The following SMYD3 variants were observed in gnomAD, a reference collection of about 807,000 sequenced individuals.
SMYD3 encodes histone-lysine N-methyltransferase SMYD3.
Under a neutral mutation model 57.7 loss-of-function variants are expected in SMYD3, and 36 were observed. The observed-to-expected ratio is 0.62, with a 90% confidence interval of 0.48 to 0.82. SMYD3 has a LOEUF of 0.82. Among genes scored for constraint, SMYD3 ranks in the 40% least tolerant of loss-of-function variants. SMYD3 has a pLI of 0.00. For missense variants in SMYD3, 515 were observed against 538.8 expected (o/e 0.96, Z 0.44); for synonymous variants, 211 against 195.0 (o/e 1.08, Z -0.68).
chr1:246,004,911 C>T (rs2059142910), intron 5 of SMYD3, among the ~76,000 whole-genome samples: 1 of 152,198 alleles, frequency 6.6e-6, no homozygotes, highest in Admixed American at 6.5e-5. Flanking sequence ...GTGGTGCAAT[C>T]ATGACTCGCT....
chr1:246,164,724 C>T (rs1038794137), intron 5 of SMYD3, among the ~76,000 whole-genome samples: 3 of 152,206 alleles, frequency 2.0e-5, no homozygotes, highest in African/African-American at 4.8e-5. Context: ...AGACTGATAA[C>T]GTCTCTGCTC....
intron 5 of SMYD3, among the ~76,000 whole-genome samples, chr1:246,150,826 G>C (rs866437677): frequency 6.6e-6 from 1 of 152,148 alleles, no homozygotes; most frequent in Non-Finnish European, 1.5e-5. Flanking sequence ...CCCCTCCAGA[G>C]CCCTGCCAAA....
At chr1:246,260,182 C>A (rs1333012058) in intron 5 of SMYD3, among the ~76,000 whole-genome samples, 1 of 152,132 alleles carries the variant, frequency 6.6e-6, no homozygotes, top group Non-Finnish European at 1.5e-5. Context: ...TGCAGACCTG[C>A]CTGGGCTTAG....
At chr1:245,762,027 C>T (rs555337129) in intron 11 of SMYD3, among the ~76,000 whole-genome samples, 1 of 152,222 alleles carries the variant, frequency 6.6e-6, no homozygotes, top group Admixed American at 6.5e-5. Flanking sequence ...TCAGGTGATC[C>T]TCCTGCCTCA....
At chr1:246,194,998 G>A (rs562843852) in intron 5 of SMYD3, among the ~76,000 whole-genome samples, 66 of 152,240 alleles carry the variant, frequency 4.3e-4, no homozygotes, top group Middle Eastern at 3.4e-3. Context: ...CAGTTTCTAC[G>A]CTATACTTGG....
At chr1:245,923,147 G>C (rs150058068) in intron 7 of SMYD3, among the ~76,000 whole-genome samples, 2 of 152,292 alleles carry the variant, frequency 1.3e-5, no homozygotes, top group African/African-American at 4.8e-5. Flanking sequence ...AGGTAAAATT[G>C]AATGTACACT....
intron 1 of SMYD3, among the ~76,000 whole-genome samples, chr1:246,502,991 G>A (rs537567646): frequency 6.6e-6 from 1 of 152,106 alleles, no homozygotes; most frequent in Non-Finnish European, 1.5e-5. Flanking sequence ...CTGTGCTATA[G>A]GCCCGTGTTG....
chr1:245,845,323 A>G (rs1434761054), intron 10 of SMYD3, among the ~76,000 whole-genome samples: 4 of 152,212 alleles, frequency 2.6e-5, no homozygotes, highest in African/African-American at 9.7e-5. Flanking sequence ...TTTTCCATCC[A>G]TAGGAAATGT....
rs1462884363 is a variant in SMYD3, at chr1:246,297,493, A to G, written c.531+29708T>C. Among the ~76,000 whole-genome samples, 5 of 152,152 alleles carry G rather than the reference A, an allele frequency of 3.3e-5. 1 individual carries two copies. Among genetic ancestry groups the G allele is most frequent in the Admixed American group, 1.3e-4 (2 of 15,258 alleles). On this transcript the variant is annotated intron_variant, in intron 5 of 11. Transcript: ENST00000490107. Reference sequence around the variant, plus strand: ...CATCCAAGAATTTGTCTTATATTCTAAGATCAAGAACCCTCAACGAACAAA... The same window carrying G: ...CATCCAAGAATTTGTCTTATATTCTGAGATCAAGAACCCTCAACGAACAAA...
chr1:245,822,864 C>G (rs965787706), intron 10 of SMYD3, among the ~76,000 whole-genome samples: 5 of 152,198 alleles, frequency 3.3e-5, no homozygotes, highest in Non-Finnish European at 7.3e-5. Flanking sequence ...AGGAAAGACT[C>G]TCTTCAAATC....
rs547601745 is a variant in SMYD3, at chr1:246,002,370, G to C, written c.532-72433C>G. Among the ~76,000 whole-genome samples the C allele has an allele frequency of 8.3e-5, 5 of 60,080 alleles. 1 individual carries two copies. The Admixed American group carries it at 8.4e-4, about 10-fold the overall frequency. 39.4% of individuals were successfully genotyped at this position (60,080 alleles called of 152,430 possible). On this transcript the variant is annotated intron_variant, in intron 5 of 11. Coordinates refer to ENST00000490107, the MANE Select transcript of SMYD3 (RefSeq NM_001167740.2). ...CGGCTAATTTTTTGTATTTTTAGTA[G>C]AGACGGGGTTTCACCGTGTTAGCCA...
At chr1:245,816,226 C>T (rs919198572) in intron 10 of SMYD3, among the ~76,000 whole-genome samples, 7 of 152,120 alleles carry the variant, frequency 4.6e-5, no homozygotes, top group African/African-American at 1.7e-4. Context: ...AGCATCTACT[C>T]AGAAGAGAAA....
At chr1:245,915,380 AT>A in intron 8 of SMYD3, 149 bp downstream of exon 8, 1 of 473,864 alleles carries the variant, frequency 2.1e-6, no homozygotes, top group Non-Finnish European at 3.7e-6. Context: ...GAAACAAAAT[AT>A]ATGCAGTTCA....
intron 5 of SMYD3, among the ~76,000 whole-genome samples, chr1:246,046,908 C>T (rs1301486337): frequency 2.0e-5 from 3 of 151,460 alleles, no homozygotes; most frequent in Admixed American, 6.6e-5. Context: ...TAAAAAGTAG[C>T]AACTTATATC....
chr1:246,409,608 C>G (rs376696542), intron 1 of SMYD3, among the ~76,000 whole-genome samples: 7 of 148,182 alleles, frequency 4.7e-5, no homozygotes, highest in East Asian at 2.0e-4. Flanking sequence ...GTCAGGTAGC[C>G]TGATGCCTCC....
At chr1:246,401,370 G>A (rs1049559913) in intron 1 of SMYD3, among the ~76,000 whole-genome samples, 1 of 151,544 alleles carries the variant, frequency 6.6e-6, no homozygotes, top group African/African-American at 2.4e-5. Context: ...GTCTTGCTCT[G>A]TGGCCCAGGC....
At chr1:245,768,663 C>A (rs1163513588) in intron 10 of SMYD3, among the ~76,000 whole-genome samples, 1 of 152,218 alleles carries the variant, frequency 6.6e-6, no homozygotes, top group African/African-American at 2.4e-5. Context: ...GTGATTAGGT[C>A]ATCAAGGCTC....
intron 1 of SMYD3, among the ~76,000 whole-genome samples, chr1:246,497,885 A>G (rs1049231727): frequency 3.3e-5 from 5 of 152,018 alleles, no homozygotes; most frequent in African/African-American, 7.2e-5. Flanking sequence ...AAAAAAAAAG[A>G]AAAGGAAAAA....
intron 5 of SMYD3, among the ~76,000 whole-genome samples, chr1:246,008,441 G>A (rs905858582): frequency 2.0e-5 from 3 of 152,232 alleles, no homozygotes; most frequent in African/African-American, 7.2e-5. Flanking sequence ...GAGTTTCTGG[G>A]AGGTGATCTG....
Sources: allele counts gnomAD v4.1 joint callset (sites outside exome capture counted in the v4.1 genomes callset), GRCh38; gene constraint gnomAD v4.1.1; transcripts MANE v1.5; gene names NCBI Gene and HGNC (gene_info 2026-07-23, HGNC 2026-07-21).